DOK6: variants seen among roughly 807,000 people sequenced by gnomAD.
DOK6 encodes the protein downstream of tyrosine kinase 6.
In DOK6, 22 loss-of-function variants were observed where a neutral mutation model predicts 44.0. The ratio of observed to expected loss-of-function variants is 0.50; its 90% CI spans 0.36 to 0.71. The LOEUF (loss-of-function observed/expected upper bound fraction) is 0.71. Among genes scored for constraint, DOK6 ranks in the 30% least tolerant of loss-of-function variants. The probability of loss-of-function intolerance (pLI) is 0.00; values close to 1 mark genes in which losing one functional copy is unlikely to be tolerated. For missense variants in DOK6, 340 were observed against 416.4 expected, an observed-to-expected ratio of 0.82 and a Z score of 1.60; for synonymous variants, 166 against 145.5, an observed-to-expected ratio of 1.14 and a Z score of -1.01.
At chr18:69,806,523 G>A (rs1981055560) in intron 7 of DOK6, among the ~76,000 whole-genome samples, 1 of 152,038 alleles carries the variant, frequency 6.6e-6, no homozygotes, top group Admixed American at 6.6e-5. Flanking sequence ...CAGAACTCAT[G>A]AACCTAGCAG....
chr18:69,414,021 AAATTAAAACTACC>A (rs1305361331), intron 1 of DOK6, among the ~76,000 whole-genome samples: 1 of 152,038 alleles, frequency 6.6e-6, no homozygotes, highest in East Asian at 1.9e-4. Flanking sequence ...AGGAAGATGC[AAATTAAAACTACC>A]AAGAGATATC....
intron 1 of DOK6, among the ~76,000 whole-genome samples, chr18:69,496,008 G>T (rs571814301): frequency 1.3e-5 from 2 of 152,320 alleles, no homozygotes; most frequent in Non-Finnish European, 2.9e-5. Context: ...AACTTGCGGG[G>T]GGAGATGCCT....
At chr18:69,764,207 G>A (rs947784098) in intron 7 of DOK6, among the ~76,000 whole-genome samples, 1 of 152,060 alleles carries the variant, frequency 6.6e-6, no homozygotes, top group Non-Finnish European at 1.5e-5. Flanking sequence ...CCTTCTCTCC[G>A]GTTAGTTCAC....
intron 1 of DOK6, among the ~76,000 whole-genome samples, chr18:69,470,895 G>T (rs1221638463): frequency 1.3e-5 from 2 of 152,142 alleles, no homozygotes; most frequent in Non-Finnish European, 2.9e-5. Flanking sequence ...AGGGGGCTCA[G>T]AGTAAATACT....
Position 69,539,905 on chromosome 18 carries a change from A to G in DOK6, c.67-24582A>G, listed in dbSNP as rs749297821. 2.0e-5 allele frequency among the ~76,000 whole-genome samples: 3 copies of G among 152,200 alleles called. No individual in the cohort carries two copies. In the East Asian group the frequency reaches 5.8e-4, roughly 29 times the overall value. On this transcript the variant is annotated intron_variant, in intron 1 of 7. Transcript: ENST00000382713. ...AAATACCCGGGACTGGGAAAGAGGT[A>G]TAATTGACACAATTCTGCATGGCTG...
intron 1 of DOK6, among the ~76,000 whole-genome samples, chr18:69,504,798 A>T (rs1022103168): frequency 1.3e-5 from 2 of 152,208 alleles, no homozygotes; most frequent in African/African-American, 4.8e-5. Flanking sequence ...CTTGTGATCT[A>T]GGGCTTTTGT....
rs535708526 is a variant in DOK6, at chr18:69,459,106, C to G, written c.66+57796C>G. ...GCGAGACTCCCCCCAACAACCCCCC[C>G]CCCAAAAAAAAGGAAGGAAGGAAGC... is the stretch of plus-strand genomic sequence containing the variant. On this transcript the variant is annotated intron_variant, in intron 1 of 7. Transcript: ENST00000382713. Among the ~76,000 whole-genome samples, 5 of 139,496 alleles carry G rather than the reference C, an allele frequency of 3.6e-5. No homozygotes were observed. In the South Asian group the frequency reaches 1.2e-3, roughly 35 times the overall value. The allele number at this position is 139,496 out of a possible 152,430, so 91.5% of individuals were successfully genotyped here.
At chr18:69,513,105 A>AC (rs757596192) in intron 1 of DOK6, among the ~76,000 whole-genome samples, 14 of 124,174 alleles carry the variant, frequency 1.1e-4, no homozygotes, top group Admixed American at 2.5e-4. Flanking sequence ...TCTATACTTA[A>AC]AATAACAAAG....
intron 5 of DOK6, among the ~76,000 whole-genome samples, chr18:69,731,872 A>G (rs1378776569): frequency 6.6e-6 from 1 of 152,202 alleles, no homozygotes; most frequent in Non-Finnish European, 1.5e-5. Context: ...TTTTGTTATT[A>G]GCTCTTCACC....
chr18:69,721,458 CT>C (rs1978288612), intron 5 of DOK6: 1 of 152,122 alleles, frequency 6.6e-6, no homozygotes, highest in African/African-American at 2.4e-5. Context: ...TAAAAATATG[CT>C]TATGACAATA....
chr18:69,820,918 G>C (rs1981549536), intron 7 of DOK6, among the ~76,000 whole-genome samples: 1 of 152,028 alleles, frequency 6.6e-6, no homozygotes, highest in Non-Finnish European at 1.5e-5. Flanking sequence ...GAGAAGGGAG[G>C]GGATCGGGAA....
intron 2 of DOK6, among the ~76,000 whole-genome samples, chr18:69,577,431 C>A (rs570713891): frequency 6.6e-6 from 1 of 152,248 alleles, no homozygotes; most frequent in South Asian, 2.1e-4. Flanking sequence ...TTAATGTATT[C>A]ATCCATCTTC....
chr18:69,793,425 A>C (rs1436291242), intron 7 of DOK6, among the ~76,000 whole-genome samples: 3 of 152,186 alleles, frequency 2.0e-5, no homozygotes, highest in Non-Finnish European at 4.4e-5. Flanking sequence ...GTTGACAGAA[A>C]GGCCAGCTAG....
chr18:69,609,612 T>C (rs983150027), intron 3 of DOK6, among the ~76,000 whole-genome samples: 3 of 152,142 alleles, frequency 2.0e-5, no homozygotes, highest in Admixed American at 2.0e-4. Context: ...GAAAACAATA[T>C]GGAAGTTCCT....
intron 3 of DOK6, among the ~76,000 whole-genome samples, chr18:69,664,411 G>A (rs568260150): frequency 1.4e-3 from 206 of 152,202 alleles, no homozygotes; most frequent in South Asian, 6.0e-3. Flanking sequence ...AAATCTTAAT[G>A]ATCATCTTTA....
intron 7 of DOK6, among the ~76,000 whole-genome samples, chr18:69,778,665 G>C (rs1980157197): frequency 6.6e-6 from 1 of 152,162 alleles, no homozygotes; most frequent in African/African-American, 2.4e-5. Context: ...TGTGAGGAAG[G>C]AAAGGAGTGG....
intron 1 of DOK6, among the ~76,000 whole-genome samples, chr18:69,451,065 A>G (rs1326440539): frequency 6.8e-6 from 1 of 147,366 alleles, no homozygotes; most frequent in African/African-American, 2.5e-5. Flanking sequence ...TAACAATATT[A>G]ACTTTAAATG....
At chr18:69,769,011 G>C (rs1345657708) in intron 7 of DOK6, among the ~76,000 whole-genome samples, 1 of 111,172 alleles carries the variant, frequency 9.0e-6, no homozygotes. Context: ...TCAGGAAGAA[G>C]AATGTAGTTT....
chr18:69,501,654 T>C (rs1449589730), intron 1 of DOK6, among the ~76,000 whole-genome samples: 1 of 152,140 alleles, frequency 6.6e-6, no homozygotes, highest in Admixed American at 6.6e-5. Flanking sequence ...CTAATTACAG[T>C]TGGGACACAT....
Sources: allele counts gnomAD v4.1 joint callset (sites outside exome capture counted in the v4.1 genomes callset), GRCh38; gene constraint gnomAD v4.1.1; transcripts MANE v1.5; gene names NCBI Gene and HGNC (gene_info 2026-07-23, HGNC 2026-07-21).